NLRP12: variants seen among roughly 807,000 people sequenced by gnomAD.
NLRP12 encodes the protein NACHT, LRR and PYD domains-containing protein 12.
NLRP12 carries 108 observed loss-of-function variants against 91.2 expected under a neutral mutation model. The ratio of observed to expected loss-of-function variants is 1.18; its 90% confidence interval spans 1.01 to 1.39. NLRP12 has a LOEUF of 1.39. NLRP12 is among the 40% of genes most tolerant of loss of function. NLRP12 has a pLI of 0.00. For missense variants in NLRP12, 1,530 were observed against 1,352.7 expected (o/e 1.13, Z -2.06); for synonymous variants, 613 against 566.7 (o/e 1.08, Z -1.16).
At chr19:53,801,116 A>C in intron 7 of NLRP12, 111 bp downstream of exon 7, 1 of 759,354 alleles carries the variant, frequency 1.3e-6, no homozygotes, top group Non-Finnish European at 2.2e-6. Context: ...AAAAAGGCTG[A>C]TGTAGTAGCT....
rs376340769 is a variant in NLRP12, at chr19:53,799,441, G to A, written c.2757-1028C>T. 1.7e-4 allele frequency among the ~76,000 whole-genome samples: 26 copies of A among 152,016 alleles called. No individual in the cohort carries two copies. In the East Asian group the frequency reaches 4.8e-3, roughly 28 times the overall value. On this transcript the variant is annotated intron_variant, in intron 7 of 9. Transcript: ENST00000324134. ...GAGATACAGTTGGCATAGCTCCTAT[G>A]CTTGTGGAATGCCACCACACACACA...
rs779615669 is a variant in NLRP12, at chr19:53,810,615, C to T, written c.1044G>A (p.Glu348=). The T allele has an allele frequency of 7.4e-6, 12 of 1,614,140 alleles. No individual in the cohort carries two copies. The highest frequency in any genetic ancestry group is 1.0e-5 in the Non-Finnish European group (12 of 1,180,038). Residue 348 remains glutamate, a synonymous_variant, in exon 3 of 10, where the codon GAG becomes GAA. Coordinates refer to ENST00000324134, the MANE Select transcript of NLRP12 (RefSeq NM_144687.4). The stretch of plus-strand genomic sequence containing the variant: ...GGTGCTCCAGCAGACGGTGGAGCTT[C>T]TCCAAAGCCGTGGGCCGTGTGGTGA... The part of the protein sequence containing the change: ...LLITTRPTAL[E]KLHRLLEHPR...
rs1568696627 is a variant in NLRP12, at chr19:53,819,646, C to CATATATATACACAT, written c.289+4239_289+4240insATGTGTATATATAT. 2.0e-4 allele frequency among the ~76,000 whole-genome samples: 21 copies of CATATATATACACAT among 107,160 alleles called. 2 individuals carry two copies. Among genetic ancestry groups the CATATATATACACAT allele is most frequent in the African/African-American group, 7.2e-4 (19 of 26,464 alleles). The allele number at this position is 107,160 out of a possible 152,430, so 70.3% of individuals were successfully genotyped here. On this transcript the variant is annotated intron_variant, in intron 1 of 9. Transcript: ENST00000324134. ...ATATACGCGTATATATGTATGTATA[C>CATATATATACACAT]GTATATATATACACATGTATACATA...
At chr19:53,819,663 GTA>G (rs1458316271) in intron 1 of NLRP12, among the ~76,000 whole-genome samples, 10 of 16,828 alleles carry the variant, frequency 5.9e-4, no homozygotes, top group South Asian at 1.6e-3. Context: ...ATATACACAT[GTA>G]TACATATATG....
Position 53,807,694 on chromosome 19 carries a change from T to C in NLRP12, c.2073-29A>G, listed in dbSNP as rs373355492. 2.7e-5 allele frequency: 44 copies of C among 1,612,890 alleles called. No individual in the cohort carries two copies. In the Admixed American group the frequency reaches 7.0e-4, roughly 26 times the overall value. On this transcript the variant is annotated intron_variant, in intron 3 of 9. Transcript: ENST00000324134. ...CTTGAAGGAAAGACAGGCCACTCTC[T>C]GGTGTTACTGGTGCTTGACAACTAT...
At chr19:53,813,459 G>A (rs111768364) in intron 2 of NLRP12, among the ~76,000 whole-genome samples, 7 of 151,326 alleles carry the variant, frequency 4.6e-5, no homozygotes, top group Non-Finnish European at 7.4e-5. Flanking sequence ...CTGCCACCAC[G>A]CCTGGCTAAT....
Position 53,793,990 on chromosome 19 carries a change from G to A in NLRP12, c.*59C>T. ...CTGATCATTATGCTGGGGGGGTGATGAGCACCCTCCCATCTTCCTCTGTCC... is the reference window on the plus strand; with the variant it reads ...CTGATCATTATGCTGGGGGGGTGATAAGCACCCTCCCATCTTCCTCTGTCC... On this transcript the variant is annotated 3_prime_UTR_variant, in exon 10 of 10. Transcript: ENST00000324134. 3 of 1,171,422 alleles carry A rather than the reference G, an allele frequency of 2.6e-6. No homozygotes were observed. Among genetic ancestry groups the A allele is most frequent in the African/African-American group, 1.5e-5 (1 of 66,348 alleles). The allele number at this position is 1,171,422 out of a possible 1,614,324, so 72.6% of individuals were successfully genotyped here.
chr19:53,814,608 C>T (rs2092128791), intron 2 of NLRP12, among the ~76,000 whole-genome samples: 1 of 152,162 alleles, frequency 6.6e-6, no homozygotes, highest in South Asian at 2.1e-4. Context: ...GCTTTGGCCT[C>T]CCAAAGTGCT....
rs1235693307 is a variant in NLRP12 at position 53,824,002 on chromosome 19, T to TGGGCCATTTCCAGGGGAC, written c.155_172dup (p.Ala57_Gln58insArgProLeuGluMetAla). The TGGGCCATTTCCAGGGGAC allele has an allele frequency of 3.1e-6, 5 of 1,614,212 alleles. No individual in the cohort carries two copies. The highest frequency in any genetic ancestry group is 3.4e-6 in the Non-Finnish European group (4 of 1,180,044). ...TGGCCCGAAGTGGGTGATGAGCAGC[T>TGGGCCATTTCCAGGGGAC]GGGCCATTTCCAGGGGACCGGCCTT... On this transcript the variant is annotated inframe_insertion, in exon 1 of 10. Coordinates refer to ENST00000324134, the MANE Select transcript of NLRP12 (RefSeq NM_144687.4).
chr19:53,810,404 C>T lies in NLRP12; in HGVS notation c.1255G>A (p.Glu419Lys). Residue 419 changes from glutamate to lysine, a missense_variant, in exon 3 of 10, where the codon GAG (glutamate) becomes AAG (lysine). Transcript: ENST00000324134. ...GTCTGTCTCAACAGCCCCCCACCCT[C>T]CAGCTGCTGCTGGAGGCAGGTACAC... Reference protein sequence around the residue: ...VVCTCLQQQLEGGGLLRQTSR... With the variant: ...VVCTCLQQQLKGGGLLRQTSR... 1 of 1,613,886 alleles carries T rather than the reference C, an allele frequency of 6.2e-7. No homozygotes were observed. The highest frequency in any genetic ancestry group is 1.6e-4 in the Middle Eastern group (1 of 6,062).
chr19:53,821,435 G>A (rs911727546), intron 1 of NLRP12, among the ~76,000 whole-genome samples: 17 of 152,028 alleles, frequency 1.1e-4, no homozygotes, highest in Admixed American at 9.2e-4. Flanking sequence ...TTGGGAGGCC[G>A]AGACGGCTGG....
At chr19:53,816,584 C>T (rs943333551) in intron 1 of NLRP12, among the ~76,000 whole-genome samples, 24 of 152,204 alleles carry the variant, frequency 1.6e-4, no homozygotes, top group African/African-American at 2.6e-4. Flanking sequence ...TGCAGTGGCG[C>T]GATCTCGGCT....
intron 4 of NLRP12, chr19:53,805,740 A>T: frequency 2.5e-6 from 1 of 402,422 alleles, no homozygotes. Context: ...CTGGTCTTGA[A>T]CTCCTGGGTC....
chr19:53,818,671 A>G (rs1471144230), intron 1 of NLRP12, among the ~76,000 whole-genome samples: 2 of 152,172 alleles, frequency 1.3e-5, no homozygotes, highest in Middle Eastern at 6.8e-3. Context: ...TCTCAAAAAA[A>G]TAAATAAATA....
Position 53,810,318 on chromosome 19 carries a change from C to G in NLRP12, c.1341G>C (p.Pro447=), listed in dbSNP as rs577056280. The change falls in exon 3 of 10, where the codon CCG becomes CCC. Residue 447 remains proline, a synonymous_variant. Coordinates refer to ENST00000324134, the MANE Select transcript of NLRP12 (RefSeq NM_144687.4). ...GTGGGGGCTGGAGGCGCGGGGCCCC[C>G]GGCTTGGGTTGCATCAGACTCAGCA... ...LYLLSLMQPK[P]GAPRLQPPPN... 5.0e-6 allele frequency: 8 copies of G among 1,613,622 alleles called. No homozygotes were observed. In the East Asian group the frequency reaches 1.6e-4, roughly 31 times the overall value.
intron 5 of NLRP12, among the ~76,000 whole-genome samples, chr19:53,804,651 TC>T (rs1329794404): frequency 1.3e-5 from 2 of 150,534 alleles, no homozygotes; most frequent in African/African-American, 4.9e-5. Flanking sequence ...CCTCAGGTGA[TC>T]CGCCTGCCTT....
chr19:53,823,607 G>T (rs2092302187), intron 1 of NLRP12, among the ~76,000 whole-genome samples: 1 of 150,272 alleles, frequency 6.7e-6, no homozygotes, highest in Admixed American at 6.8e-5. Context: ...GGGGTGCAGT[G>T]GCAGGATCAT....
intron 2 of NLRP12, among the ~76,000 whole-genome samples, chr19:53,812,176 T>C (rs2092086945): frequency 6.6e-6 from 1 of 151,672 alleles, no homozygotes; most frequent in Non-Finnish European, 1.5e-5. Context: ...TGCTGTGTTA[T>C]CCAGGCTGGT....
chr19:53,823,436 AAT>A lies in NLRP12; in HGVS notation c.289+448_289+449del, dbSNP rs1258049748. On this transcript the variant is annotated intron_variant, in intron 1 of 9. Transcript: ENST00000324134. ...ATATGTTTTAAATATATATATTTAA[AAT>A]ATATGTTTTAAATATATATTTTAAA... 2.5e-3 allele frequency among the ~76,000 whole-genome samples: 301 copies of A among 122,448 alleles called. 2 individuals carry two copies. Among genetic ancestry groups the A allele is most frequent in the African/African-American group, 8.2e-3 (276 of 33,584 alleles). 80.3% of individuals were successfully genotyped at this position (122,448 alleles called of 152,430 possible). A position where few individuals can be genotyped will look rare whatever the true frequency, so the allele number is the denominator to read the frequency against.
Sources: allele counts gnomAD v4.1 joint callset (sites outside exome capture counted in the v4.1 genomes callset), GRCh38; gene constraint gnomAD v4.1.1; transcripts MANE v1.5; gene names NCBI Gene and HGNC (gene_info 2026-07-23, HGNC 2026-07-21).